ARHGEF7: variants seen among roughly 807,000 people sequenced by gnomAD.
ARHGEF7 encodes the protein Rho guanine nucleotide exchange factor 7, also known as PAK-interacting exchange factor beta.
A neutral mutation model predicts 109.8 loss-of-function variants in ARHGEF7; 33 were observed. The observed-to-expected ratio is 0.30, with a 90% confidence interval of 0.23 to 0.40. The LOEUF (loss-of-function observed/expected upper bound fraction) is 0.40, where lower values mean the gene tolerates loss of function less well. ARHGEF7 is among the 10% of genes least tolerant of loss of function. The probability of loss-of-function intolerance (pLI) is 1.00; values close to 1 mark genes in which losing one functional copy is unlikely to be tolerated. For synonymous variants in ARHGEF7, 458 were observed against 424.6 expected, an observed-to-expected ratio of 1.08 and a Z score of -0.97; for missense variants, 938 against 1,098.5, an observed-to-expected ratio of 0.85 and a Z score of 2.07.
chr13:111,141,080 C>G lies in ARHGEF7; in HGVS notation c.166-12825C>G, dbSNP rs530005395. ...ATACACTCCCTTCTTTCAGCCCACC[C>G]ACTTTCCCCCATTATTAACACCCTA... On this transcript the variant is annotated intron_variant, in intron 1 of 21. Coordinates refer to ENST00000646102, the MANE Select transcript of ARHGEF7 (RefSeq NM_001354046.2). Among the ~76,000 whole-genome samples, 256 of 152,250 alleles carry G rather than the reference C, an allele frequency of 1.7e-3. 1 individual carries two copies. The highest frequency in any genetic ancestry group is 5.9e-3 in the African/African-American group (247 of 41,548).
At chr13:111,292,834 G>T (rs553810030) in intron 19 of ARHGEF7, 1 of 992,218 alleles carries the variant, frequency 1.0e-6, no homozygotes, top group East Asian at 1.1e-4. Flanking sequence ...TGTGAGCCCA[G>T]TTCCAACGGC....
intron 20 of ARHGEF7, 61 bp from the exon 21 acceptor site, chr13:111,301,417 T>C: frequency 6.8e-7 from 1 of 1,466,700 alleles, no homozygotes; most frequent in African/African-American, 1.4e-5. Context: ...CTGGTAAGTT[T>C]TCGTGTGTCC....
intron 4 of ARHGEF7, among the ~76,000 whole-genome samples, chr13:111,212,248 A>G (rs1348456410): frequency 6.6e-6 from 1 of 151,694 alleles, no homozygotes; most frequent in East Asian, 1.9e-4. Flanking sequence ...GTGCCCCTCC[A>G]CCATTCCAAG....
intron 5 of ARHGEF7, among the ~76,000 whole-genome samples, chr13:111,219,192 G>C (rs936168529): frequency 6.6e-6 from 1 of 152,106 alleles, no homozygotes; most frequent in Non-Finnish European, 1.5e-5. Context: ...CCCAGCCCCT[G>C]CCCTCTACCA....
intron 5 of ARHGEF7, among the ~76,000 whole-genome samples, chr13:111,218,868 G>T (rs190923626): frequency 4.6e-5 from 7 of 152,238 alleles, no homozygotes; most frequent in African/African-American, 1.7e-4. Context: ...ATTTACAAAT[G>T]GGAATATGAC....
At chr13:111,265,214 C>T (rs1299852163) in intron 8 of ARHGEF7, among the ~76,000 whole-genome samples, 1 of 151,930 alleles carries the variant, frequency 6.6e-6, no homozygotes, top group Non-Finnish European at 1.5e-5. Context: ...GGATTTGGCA[C>T]CTCTGTCACA....
chr13:111,174,880 C>A (rs2153420561), intron 2 of ARHGEF7, among the ~76,000 whole-genome samples: 1 of 152,278 alleles, frequency 6.6e-6, no homozygotes, highest in South Asian at 2.1e-4. Context: ...GCTGACAGTC[C>A]TCGGGTTGGT....
chr13:111,227,259 A>G (rs2085333516), intron 5 of ARHGEF7, among the ~76,000 whole-genome samples: 1 of 152,250 alleles, frequency 6.6e-6, no homozygotes, highest in South Asian at 2.1e-4. Flanking sequence ...TAATTTTGTA[A>G]GAAGTTGTAT....
chr13:111,249,786 A>G (rs2089479728), intron 8 of ARHGEF7, among the ~76,000 whole-genome samples: 1 of 151,928 alleles, frequency 6.6e-6, no homozygotes, highest in Admixed American at 6.5e-5. Context: ...CCATCTGGGG[A>G]GCTATGTGGC....
intron 2 of ARHGEF7, among the ~76,000 whole-genome samples, chr13:111,183,979 T>TGGGGTAGAG (rs2079003014): frequency 6.6e-6 from 1 of 152,066 alleles, no homozygotes; most frequent in Non-Finnish European, 1.5e-5. Flanking sequence ...TCTGTGTGGT[T>TGGGGTAGAG]GGGGTAGGAT....
At chr13:111,300,346 T>C (rs1324027993) in intron 19 of ARHGEF7, among the ~76,000 whole-genome samples, 1 of 152,250 alleles carries the variant, frequency 6.6e-6, no homozygotes, top group East Asian at 1.9e-4. Flanking sequence ...ATCTTTGATG[T>C]ATAAACACTC....
At chr13:111,165,359 C>G (rs1053334105) in intron 2 of ARHGEF7, among the ~76,000 whole-genome samples, 2 of 152,228 alleles carry the variant, frequency 1.3e-5, no homozygotes, top group Admixed American at 6.5e-5. Flanking sequence ...GTAAGTCTTT[C>G]CAGTGCAGCT....
chr13:111,147,722 G>C (rs1203667508), intron 1 of ARHGEF7, among the ~76,000 whole-genome samples: 3 of 132,174 alleles, frequency 2.3e-5, no homozygotes, highest in Admixed American at 1.6e-4. Context: ...TTTTGAGACG[G>C]AGTCTCGCTC....
intron 1 of ARHGEF7, among the ~76,000 whole-genome samples, chr13:111,133,797 ATATATATATATATATATT>A (rs1424741270): frequency 2.5e-5 from 1 of 40,282 alleles, no homozygotes; most frequent in Non-Finnish European, 6.4e-5. Context: ...ATATATATAT[ATATATATATATATATATT>A]TATTATACTT....
At chr13:111,277,879 A>C (rs551305855) in intron 13 of ARHGEF7, among the ~76,000 whole-genome samples, 1 of 152,368 alleles carries the variant, frequency 6.6e-6, no homozygotes, top group Admixed American at 6.5e-5. Flanking sequence ...AAAGGAAAGA[A>C]GTGTAAACTG....
intron 19 of ARHGEF7, chr13:111,292,824 TG>T (rs1038879586): frequency 1.0e-4 from 102 of 992,982 alleles, no homozygotes; most frequent in Non-Finnish European, 1.2e-4. Context: ...GCAAAGGTGC[TG>T]TGAGCCCAGT....
intron 1 of ARHGEF7, among the ~76,000 whole-genome samples, chr13:111,128,495 A>ACAAG (rs989370896): frequency 4.0e-5 from 6 of 151,074 alleles, no homozygotes; most frequent in African/African-American, 1.2e-4. Context: ...CCTGTCTCAA[A>ACAAG]CAAGCAAACA....
chr13:111,120,657 T>A (rs1372939027), intron 1 of ARHGEF7, among the ~76,000 whole-genome samples: 1 of 152,194 alleles, frequency 6.6e-6, no homozygotes, highest in Non-Finnish European at 1.5e-5. Context: ...GACCCGGCCC[T>A]CATTCTATTA....
chr13:111,115,602 G>A lies in ARHGEF7; in HGVS notation c.76G>A (p.Asp26Asn). The change falls in exon 1 of 22, where the codon GAC becomes AAC. Residue 26 changes from aspartate to asparagine, a missense_variant. Asp to Asn is a conservative substitution (Grantham distance 23). Transcript: ENST00000646102. ...VLESPKKTIS[D>N]PEGFLQASLK... ...GGAGTCGCCCAAAAAAACCATCTCGGACCCGGAGGGCTTTCTGCAGGCGTC... is the reference window on the plus strand; with the variant it reads ...GGAGTCGCCCAAAAAAACCATCTCGAACCCGGAGGGCTTTCTGCAGGCGTC... 2 of 1,420,016 alleles carry A rather than the reference G, an allele frequency of 1.4e-6. No homozygotes were observed. The highest frequency in any genetic ancestry group is 9.3e-7 in the Non-Finnish European group (1 of 1,070,784). The allele number at this position is 1,420,016 out of a possible 1,614,324, so 88.0% of individuals were successfully genotyped here.
Sources: allele counts gnomAD v4.1 joint callset (sites outside exome capture counted in the v4.1 genomes callset), GRCh38; gene constraint gnomAD v4.1.1; transcripts MANE v1.5; gene names NCBI Gene and HGNC (gene_info 2026-07-23, HGNC 2026-07-21).